Variants in CHST8 observed in about 807,000 individuals in gnomAD.
CHST8 encodes GALNAC-4-ST1.
CHST8 carries 10 observed loss-of-function variants against 15.0 expected under a neutral mutation model. The observed-to-expected ratio is 0.67, with a 90% confidence interval of 0.41 to 1.13. The LOEUF (loss-of-function observed/expected upper bound fraction) is 1.13. CHST8 is among the 50% of genes most tolerant of loss of function. The pLI, the probability that CHST8 is intolerant of heterozygous loss-of-function variation, is 0.00. For synonymous variants in CHST8, 259 were observed against 256.6 expected, an observed-to-expected ratio of 1.01 and a Z score of -0.09; for missense variants, 634 against 608.2, an observed-to-expected ratio of 1.04 and a Z score of -0.45.
chr19:33,738,022 C>G (rs1169266711), intron 3 of CHST8, among the ~76,000 whole-genome samples: 2 of 152,200 alleles, frequency 1.3e-5, no homozygotes, highest in Admixed American at 1.3e-4. Flanking sequence ...CCACCCTACA[C>G]TGAGAACATC....
chr19:33,734,511 C>T (rs183648050), intron 3 of CHST8, among the ~76,000 whole-genome samples: 1 of 152,338 alleles, frequency 6.6e-6, no homozygotes, highest in Non-Finnish European at 1.5e-5. Context: ...GGGACCCACA[C>T]TGTGTGACAC....
At chr19:33,679,414 C>T (rs936843113) in intron 2 of CHST8, among the ~76,000 whole-genome samples, 1 of 152,164 alleles carries the variant, frequency 6.6e-6, no homozygotes. Context: ...GAACTTTTAA[C>T]CCAAATAATT....
At chr19:33,734,357 GGAATA>G (rs1393083326) in intron 3 of CHST8, among the ~76,000 whole-genome samples, 3 of 152,138 alleles carry the variant, frequency 2.0e-5, no homozygotes, top group African/African-American at 4.8e-5. Flanking sequence ...AATGAAGAAT[GGAATA>G]GCCATTCTTC....
intron 3 of CHST8, among the ~76,000 whole-genome samples, chr19:33,711,499 A>G (rs575745876): frequency 3.2e-4 from 49 of 152,356 alleles, no homozygotes; most frequent in African/African-American, 1.1e-3. Context: ...ATTTGATGAT[A>G]AATCATATGG....
Position 33,740,265 on chromosome 19 carries a change from AG to A in CHST8, c.131-31145del, listed in dbSNP as rs150591847. Among the ~76,000 whole-genome samples, 710 of 152,282 alleles carry A rather than the reference AG, an allele frequency of 4.7e-3. 7 individuals are homozygous for A. The highest frequency in any genetic ancestry group is 0.016 in the African/African-American group (668 of 41,558). On this transcript the variant is annotated intron_variant, in intron 3 of 4. Coordinates refer to ENST00000650847, the MANE Select transcript of CHST8 (RefSeq NM_001127895.2). Reference sequence around the variant, plus strand: ...TCTTTGTGGAAGTCCCCAAGCTCTTAGGGTGAGAGGGCTCTTCAGTGACGCC... The same window carrying A: ...TCTTTGTGGAAGTCCCCAAGCTCTTAGGTGAGAGGGCTCTTCAGTGACGCC...
intron 3 of CHST8, among the ~76,000 whole-genome samples, chr19:33,766,995 C>T (rs1490716530): frequency 6.6e-6 from 1 of 152,244 alleles, no homozygotes; most frequent in Non-Finnish European, 1.5e-5. Context: ...TCCTGCCCTC[C>T]TTCCCCAGTT....
Position 33,701,247 on chromosome 19 carries a change from C to T in CHST8, c.130+11856C>T, listed in dbSNP as rs193120480. On this transcript the variant is annotated intron_variant, in intron 3 of 4. Coordinates refer to ENST00000650847, the MANE Select transcript of CHST8 (RefSeq NM_001127895.2). ...GTGTCTTCCCAGTCTTCTACGTGGC[C>T]ACGATTTCCTGGGTTCCTCCACCCC... Among the ~76,000 whole-genome samples, 3 of 152,220 alleles carry T rather than the reference C, an allele frequency of 2.0e-5. No individual in the cohort carries two copies. In the East Asian group the frequency reaches 5.8e-4, roughly 29 times the overall value.
At chr19:33,644,898 G>C (rs1330530997) in intron 1 of CHST8, among the ~76,000 whole-genome samples, 1 of 152,182 alleles carries the variant, frequency 6.6e-6, no homozygotes, top group Non-Finnish European at 1.5e-5. Context: ...TAGAGGTTGG[G>C]AAGATGTGGA....
chr19:33,742,979 G>A (rs930918621), intron 3 of CHST8, among the ~76,000 whole-genome samples: 1 of 152,170 alleles, frequency 6.6e-6, no homozygotes, highest in Non-Finnish European at 1.5e-5. Context: ...TCCTACAGAG[G>A]AGAGGCACTG....
intron 3 of CHST8, among the ~76,000 whole-genome samples, chr19:33,711,745 C>T (rs1379247155): frequency 6.6e-6 from 1 of 152,138 alleles, no homozygotes; most frequent in Non-Finnish European, 1.5e-5. Context: ...AATTATCGTG[C>T]CTCAGCCTCC....
rs1021366478 is a variant in CHST8 at position 33,721,461 on chromosome 19, G to GGATGGATGGACA, written c.130+32079_130+32090dup. On this transcript the variant is annotated intron_variant, in intron 3 of 4. Transcript: ENST00000650847. ...CTTAACACATGTCTGTTGTGTGGTT[G>GGATGGATGGACA]GATGGATGGACAGATGGATGCATGG... Among the ~76,000 whole-genome samples the GGATGGATGGACA allele has an allele frequency of 2.3e-4, 35 of 152,326 alleles. No homozygotes were observed. In the South Asian group the frequency reaches 2.5e-3, roughly 11 times the overall value.
rs904797918 is a variant in CHST8 at position 33,773,174 on chromosome 19, G to A, written c.*111G>A. The A allele has an allele frequency of 1.6e-6, 2 of 1,266,340 alleles. No homozygotes were observed. The highest frequency in any genetic ancestry group is 2.1e-6 in the Non-Finnish European group (2 of 941,914). The allele number at this position is 1,266,340 out of a possible 1,614,324, so 78.4% of individuals were successfully genotyped here. ...GGGAGCAACAGGGCTCTGAGGACGTGAGGAGCCATCGCTGTGGGAGGCAGC... is the reference window on the plus strand; with the variant it reads ...GGGAGCAACAGGGCTCTGAGGACGTAAGGAGCCATCGCTGTGGGAGGCAGC... On this transcript the variant is annotated 3_prime_UTR_variant, in exon 5 of 5. Coordinates refer to ENST00000650847, the MANE Select transcript of CHST8 (RefSeq NM_001127895.2).
intron 3 of CHST8, among the ~76,000 whole-genome samples, chr19:33,765,667 T>C (rs537524037): frequency 1.5e-4 from 23 of 152,146 alleles, no homozygotes; most frequent in African/African-American, 5.3e-4. Context: ...GTTTAAGCGA[T>C]TCTCCTGCCT....
intron 1 of CHST8, among the ~76,000 whole-genome samples, chr19:33,661,288 T>C (rs945372692): frequency 1.3e-5 from 2 of 152,204 alleles, no homozygotes; most frequent in African/African-American, 4.8e-5. Context: ...TGCATTGAGA[T>C]TGGACTTGGC....
At chr19:33,701,164 T>C (rs1410184882) in intron 3 of CHST8, among the ~76,000 whole-genome samples, 3 of 152,100 alleles carry the variant, frequency 2.0e-5, no homozygotes, top group Non-Finnish European at 4.4e-5. Flanking sequence ...AGTGAAAGTT[T>C]CTCAGTTCAA....
chr19:33,729,685 T>A (rs1475405590), intron 3 of CHST8, among the ~76,000 whole-genome samples: 2 of 152,156 alleles, frequency 1.3e-5, no homozygotes, highest in African/African-American at 4.8e-5. Flanking sequence ...CCAAACCTGG[T>A]TGCAACAGAG....
chr19:33,704,188 C>T (rs11672083), intron 3 of CHST8, among the ~76,000 whole-genome samples: 8,956 of 152,274 alleles, frequency 0.059, 289 homozygotes, highest in Middle Eastern at 0.085. Context: ...GATGATGATC[C>T]GTGAGCCCCT....
At chr19:33,623,930 A>C (rs1343018246) in intron 1 of CHST8, among the ~76,000 whole-genome samples, 2 of 152,168 alleles carry the variant, frequency 1.3e-5, no homozygotes, top group Admixed American at 6.5e-5. Context: ...CCCTGAAGAG[A>C]GGGACCTCTT....
chr19:33,627,901 C>A (rs1395547747), intron 1 of CHST8, among the ~76,000 whole-genome samples: 1 of 152,142 alleles, frequency 6.6e-6, no homozygotes, highest in East Asian at 1.9e-4. Flanking sequence ...CTCATTTATT[C>A]CTCATTCACT....
Sources: allele counts gnomAD v4.1 joint callset (sites outside exome capture counted in the v4.1 genomes callset), GRCh38; gene constraint gnomAD v4.1.1; transcripts MANE v1.5; gene names NCBI Gene and HGNC (gene_info 2026-07-23, HGNC 2026-07-21).